The following GALNTL6 variants were observed in gnomAD, a reference collection of about 807,000 sequenced individuals.
GALNTL6 encodes polypeptide N-acetylgalactosaminyltransferase-like 6.
In GALNTL6, 46 loss-of-function variants were observed where a neutral mutation model predicts 73.7. The observed-to-expected ratio is 0.62, with a 90% CI of 0.49 to 0.80. The LOEUF is 0.80. Ranked by LOEUF, GALNTL6 falls within the 30% of genes least tolerant of loss-of-function variation. The probability of loss-of-function intolerance (pLI) is 0.00; values close to 1 mark genes in which losing one functional copy is unlikely to be tolerated. For missense variants in GALNTL6, 604 were observed against 755.0 expected, an observed-to-expected ratio of 0.80 and a Z score of 2.34; for synonymous variants, 259 against 263.7, an observed-to-expected ratio of 0.98 and a Z score of 0.17.
intron 7 of GALNTL6, among the ~76,000 whole-genome samples, chr4:172,815,098 AC>A (rs1429691175): frequency 2.6e-5 from 4 of 152,164 alleles, no homozygotes; most frequent in Admixed American, 1.3e-4. Context: ...TGTTCTTCAG[AC>A]TTCTCTGAAG....
chr4:172,405,716 T>G (rs1277100235), intron 5 of GALNTL6, among the ~76,000 whole-genome samples: 1 of 151,776 alleles, frequency 6.6e-6, no homozygotes, highest in African/African-American at 2.4e-5. Context: ...TTCCCTACCT[T>G]CACCTTCAGA....
chr4:171,814,143 C>G lies in GALNTL6; in HGVS notation c.-170+153C>G, dbSNP rs538068638. Reference sequence around the variant, plus strand: ...TTCTGTCTCCTAACCCGCTCCACCCCGACCCAGCCCTCCCACACTAAGGAG... The same window carrying G: ...TTCTGTCTCCTAACCCGCTCCACCCGGACCCAGCCCTCCCACACTAAGGAG... On this transcript the variant is annotated intron_variant, in intron 1 of 12. Transcript: ENST00000506823. Among the ~76,000 whole-genome samples the G allele has an allele frequency of 9.2e-5, 14 of 152,150 alleles. 1 individual carries two copies. The highest frequency in any genetic ancestry group is 1.6e-4 in the Non-Finnish European group (11 of 68,014).
At chr4:172,364,966 T>C (rs1025839297) in intron 5 of GALNTL6, among the ~76,000 whole-genome samples, 1 of 152,192 alleles carries the variant, frequency 6.6e-6, no homozygotes, top group Non-Finnish European at 1.5e-5. Flanking sequence ...AAGGCAAACA[T>C]AGGTGCTTGT....
intron 5 of GALNTL6, among the ~76,000 whole-genome samples, chr4:172,546,154 G>A (rs1028131818): frequency 4.6e-5 from 7 of 152,026 alleles, no homozygotes; most frequent in African/African-American, 1.4e-4. Context: ...TCTCCCAGAA[G>A]TTAAATAACT....
chr4:172,132,944 T>C (rs1733540642), intron 2 of GALNTL6, among the ~76,000 whole-genome samples: 1 of 152,190 alleles, frequency 6.6e-6, no homozygotes. Flanking sequence ...TAAATATTTA[T>C]ATGTCAGTGT....
At position 171,853,599 on chromosome 4, in the gene GALNTL6, C is replaced by CTT. The variant is rs35078885; in HGVS notation, c.138+38909_138+38910dup. 5.5e-3 allele frequency among the ~76,000 whole-genome samples: 195 copies of CTT among 35,344 alleles called. 71 individuals are homozygous for CTT. The highest frequency in any genetic ancestry group is 7.3e-3 in the Non-Finnish European group (136 of 18,602). 23.2% of individuals were successfully genotyped at this position (35,344 alleles called of 152,430 possible). ...TTTTTCTCTCTTTTGTTTAGCCACT[C>CTT]TTTTTTTTTTTTTTTTTTTTTTTTT... is the stretch of plus-strand genomic sequence containing the variant. On this transcript the variant is annotated intron_variant, in intron 2 of 12. Coordinates refer to ENST00000506823, the MANE Select transcript of GALNTL6 (RefSeq NM_001034845.3).
chr4:171,901,632 AACAG>A (rs1317831960), intron 2 of GALNTL6, among the ~76,000 whole-genome samples: 3 of 152,224 alleles, frequency 2.0e-5, no homozygotes, highest in Non-Finnish European at 4.4e-5. Flanking sequence ...GAACAGAATA[AACAG>A]ACAGTTTCAG....
intron 3 of GALNTL6, among the ~76,000 whole-genome samples, chr4:172,275,785 C>T (rs909200582): frequency 2.0e-5 from 3 of 152,030 alleles, no homozygotes; most frequent in African/African-American, 4.8e-5. Context: ...GGTGAAACCC[C>T]GTCTCTATTA....
rs871714 is a variant in GALNTL6 at position 172,470,603 on chromosome 4, C to T, written c.553+121914C>T. Among the ~76,000 whole-genome samples the T allele has an allele frequency of 7.5e-3, 1,144 of 152,186 alleles. 9 individuals are homozygous for T. Among genetic ancestry groups the T allele is most frequent in the African/African-American group, 0.026 (1,082 of 41,518 alleles). On this transcript the variant is annotated intron_variant, in intron 5 of 12. Transcript: ENST00000506823. ...TCTTAATTTTCAATAAGTAGCACAG[C>T]GCAAAGGTATTGCAAGCCATATGGA...
chr4:172,118,669 C>A (rs1454673657), intron 2 of GALNTL6, among the ~76,000 whole-genome samples: 1 of 148,842 alleles, frequency 6.7e-6, no homozygotes. Context: ...CACTGCACCC[C>A]AGCATGGGAG....
chr4:172,009,615 G>A (rs545235393), intron 2 of GALNTL6, among the ~76,000 whole-genome samples: 11 of 152,174 alleles, frequency 7.2e-5, no homozygotes, highest in South Asian at 2.1e-4. Context: ...CTTGAATTCC[G>A]AATCAATGGT....
At chr4:172,408,653 A>G (rs1219548589) in intron 5 of GALNTL6, among the ~76,000 whole-genome samples, 9 of 151,406 alleles carry the variant, frequency 5.9e-5, no homozygotes, top group Non-Finnish European at 7.4e-5. Context: ...ACCATAAACT[A>G]TTTGAGGTAA....
At chr4:172,447,488 G>C (rs564374598) in intron 5 of GALNTL6, among the ~76,000 whole-genome samples, 1 of 152,194 alleles carries the variant, frequency 6.6e-6, no homozygotes, top group Non-Finnish European at 1.5e-5. Flanking sequence ...AGGGGTGAAA[G>C]AGCAGTATGT....
intron 5 of GALNTL6, among the ~76,000 whole-genome samples, chr4:172,595,333 A>G (rs1737810745): frequency 6.6e-6 from 1 of 152,192 alleles, no homozygotes. Flanking sequence ...TGAGAATTTT[A>G]AGAGACCTGA....
rs148541473 is a variant in GALNTL6 at position 171,817,154 on chromosome 4, C to T, written c.138+2436C>T. Among the ~76,000 whole-genome samples the T allele has an allele frequency of 9.0e-3, 1,361 of 152,050 alleles. 11 individuals are homozygous for T. Among genetic ancestry groups the T allele is most frequent in the Admixed American group, 0.025 (377 of 15,278 alleles). ...TTGAGGATGAAGATAATGTGCAGAT[C>T]AAAGCACTGACAGCAATAAGTACTG... On this transcript the variant is annotated intron_variant, in intron 2 of 12. Coordinates refer to ENST00000506823, the MANE Select transcript of GALNTL6 (RefSeq NM_001034845.3).
chr4:172,851,558 C>G (rs138997067), intron 7 of GALNTL6, among the ~76,000 whole-genome samples: 1 of 152,012 alleles, frequency 6.6e-6, no homozygotes, highest in Non-Finnish European at 1.5e-5. Context: ...AAATCAAGAA[C>G]CTTCTTTAAG....
chr4:171,907,516 T>C (rs868496189), intron 2 of GALNTL6, among the ~76,000 whole-genome samples: 1 of 151,774 alleles, frequency 6.6e-6, no homozygotes, highest in Non-Finnish European at 1.5e-5. Context: ...AATGGAAGAA[T>C]ATTCCATGCT....
chr4:172,457,823 A>C (rs1231111605), intron 5 of GALNTL6, among the ~76,000 whole-genome samples: 2 of 152,214 alleles, frequency 1.3e-5, no homozygotes, highest in African/African-American at 4.8e-5. Context: ...ATTAACAAGG[A>C]TATTCAGGAC....
chr4:172,176,725 G>T (rs139691971), intron 2 of GALNTL6, among the ~76,000 whole-genome samples: 1,738 of 152,156 alleles, frequency 0.011, 14 homozygotes, highest in Admixed American at 0.016. Flanking sequence ...GGAGTTGGAG[G>T]TTACAGTGAG....
Sources: allele counts gnomAD v4.1 joint callset (sites outside exome capture counted in the v4.1 genomes callset), GRCh38; gene constraint gnomAD v4.1.1; transcripts MANE v1.5; gene names NCBI Gene and HGNC (gene_info 2026-07-23, HGNC 2026-07-21).